Variants in APLF observed in about 807,000 individuals in gnomAD.
The protein encoded by APLF is aprataxin and PNKP like factor.
Under a neutral mutation model 55.6 loss-of-function variants are expected in APLF, and 61 were observed. That is an observed-to-expected ratio of 1.10 (90% CI 0.89 to 1.36). The LOEUF (loss-of-function observed/expected upper bound fraction) is 1.36, where lower values mean the gene tolerates loss of function less well. Ranked by LOEUF, APLF falls within the 40% of genes most tolerant of loss-of-function variation. APLF has a pLI of 0.00. For synonymous variants in APLF, 207 were observed against 214.8 expected (o/e 0.96, Z 0.32); for missense variants, 611 against 602.5 (o/e 1.01, Z -0.15).
In APLF at chr2:68,472,629, A is replaced by G. The variant is rs1482604676; in HGVS notation, c.96+4802A>G. On this transcript the variant is annotated intron_variant, in intron 1 of 9. Transcript: ENST00000303795. The stretch of plus-strand genomic sequence containing the variant: ...GGTGGGATCAGGGAAAGAAAGCTTC[A>G]TGAACTTGGTAGCATGTTGAGTTTG... Among the ~76,000 whole-genome samples the G allele has an allele frequency of 2.6e-5, 4 of 152,330 alleles. No homozygotes were observed. In the East Asian group the frequency reaches 5.8e-4, roughly 22 times the overall value.
chr2:68,522,121 T>C (rs553219405), intron 5 of APLF, among the ~76,000 whole-genome samples: 43 of 151,988 alleles, frequency 2.8e-4, no homozygotes, highest in Admixed American at 6.6e-4. Context: ...ATAAAAATGG[T>C]TAAAATTGGT....
chr2:68,522,451 A>G (rs955942434), intron 5 of APLF, among the ~76,000 whole-genome samples: 10 of 151,878 alleles, frequency 6.6e-5, no homozygotes, highest in African/African-American at 2.4e-4. Context: ...TTGGTTTAGG[A>G]CATCTCTTAT....
At chr2:68,492,427 G>C (rs992248543) in intron 2 of APLF, among the ~76,000 whole-genome samples, 19 of 152,122 alleles carry the variant, frequency 1.2e-4, no homozygotes, top group Non-Finnish European at 7.4e-5. Flanking sequence ...GCAGTGAGCC[G>C]AGATTGTGCC....
In APLF at chr2:68,500,016, G is replaced by T. The variant is rs112987416; in HGVS notation, c.169-2715G>T. The stretch of plus-strand genomic sequence containing the variant: ...ATTTTTCAAAACTTTTATTTTTTGT[G>T]TAATTATGCCATTGTTTTCATTCCT... On this transcript the variant is annotated intron_variant, in intron 2 of 9. Transcript: ENST00000303795. Among the ~76,000 whole-genome samples, 1,189 of 152,078 alleles carry T rather than the reference G, an allele frequency of 7.8e-3. 15 individuals are homozygous for T. The highest frequency in any genetic ancestry group is 0.027 in the African/African-American group (1,134 of 41,468).
At chr2:68,562,685 A>C (rs1671202259) in intron 8 of APLF, among the ~76,000 whole-genome samples, 1 of 152,086 alleles carries the variant, frequency 6.6e-6, no homozygotes, top group Non-Finnish European at 1.5e-5. Context: ...TACTTGGCAA[A>C]AAAGCTATGA....
At chr2:68,539,346 G>A (rs1670486358) in intron 7 of APLF, among the ~76,000 whole-genome samples, 1 of 152,210 alleles carries the variant, frequency 6.6e-6, no homozygotes, top group Non-Finnish European at 1.5e-5. Flanking sequence ...GGAAGCCCTA[G>A]ATCATGGTGT....
chr2:68,497,460 C>T (rs1014918650), intron 2 of APLF, among the ~76,000 whole-genome samples: 2 of 152,052 alleles, frequency 1.3e-5, no homozygotes, highest in African/African-American at 4.8e-5. Context: ...CTCTCTTTCT[C>T]CTGCTCCAGC....
intron 8 of APLF, among the ~76,000 whole-genome samples, chr2:68,548,467 A>G (rs1205606630): frequency 6.6e-6 from 1 of 151,918 alleles, no homozygotes; most frequent in African/African-American, 2.4e-5. Flanking sequence ...TAAACACATG[A>G]AAAAATACTC....
At chr2:68,518,728 T>C (rs1573209827) in intron 5 of APLF, among the ~76,000 whole-genome samples, 1 of 121,000 alleles carries the variant, frequency 8.3e-6, no homozygotes, top group Non-Finnish European at 1.6e-5. Context: ...ATATCATTAA[T>C]ATATCATGAA....
intron 3 of APLF, among the ~76,000 whole-genome samples, chr2:68,510,685 AG>A (rs1249122424): frequency 3.3e-5 from 5 of 151,846 alleles, no homozygotes; most frequent in African/African-American, 9.7e-5. Flanking sequence ...TATACCCAAA[AG>A]AATTGAAAAC....
At chr2:68,467,900 A>G in intron 1 of APLF, 73 bp downstream of exon 1, 1 of 1,145,622 alleles carries the variant, frequency 8.7e-7, no homozygotes, top group Non-Finnish European at 1.1e-6. Flanking sequence ...GACCGGCCCT[A>G]GTCCTGGCCG....
At chr2:68,469,597 G>A (rs146090267) in intron 1 of APLF, among the ~76,000 whole-genome samples, 1 of 152,292 alleles carries the variant, frequency 6.6e-6, no homozygotes, top group Non-Finnish European at 1.5e-5. Flanking sequence ...GACATCCTAA[G>A]TGTGTTAAAG....
At chr2:68,475,149 G>A (rs945116200) in intron 1 of APLF, among the ~76,000 whole-genome samples, 1 of 152,170 alleles carries the variant, frequency 6.6e-6, no homozygotes, top group African/African-American at 2.4e-5. Context: ...GTCCCAAGTG[G>A]TGCTTTAAAC....
chr2:68,511,130 C>G (rs192838041), intron 3 of APLF, among the ~76,000 whole-genome samples: 1 of 151,794 alleles, frequency 6.6e-6, no homozygotes, highest in East Asian at 1.9e-4. Flanking sequence ...ATACTAATAA[C>G]CACTGGATAG....
intron 7 of APLF, 47 bp downstream of exon 7, chr2:68,538,274 T>G (rs758739586): frequency 4.1e-6 from 6 of 1,476,542 alleles, no homozygotes; most frequent in Middle Eastern, 1.8e-4. Flanking sequence ...TTTGATAGCG[T>G]GTAGCTATGT....
At chr2:68,545,457 T>C in intron 8 of APLF, 145 bp downstream of exon 8, 1 of 1,048,006 alleles carries the variant, frequency 9.5e-7, no homozygotes, top group East Asian at 2.6e-5. Context: ...ATGTTGGTAA[T>C]AGGTAGGATG....
At chr2:68,520,231 A>G (rs1669856852) in intron 5 of APLF, among the ~76,000 whole-genome samples, 1 of 151,906 alleles carries the variant, frequency 6.6e-6, no homozygotes, top group Non-Finnish European at 1.5e-5. Flanking sequence ...TGTCAGATGC[A>G]TAGTTTGCGA....
chr2:68,536,258 G>C (rs1313945873), intron 6 of APLF, among the ~76,000 whole-genome samples: 1 of 152,080 alleles, frequency 6.6e-6, no homozygotes, highest in Non-Finnish European at 1.5e-5. Flanking sequence ...TTCCCCATAG[G>C]TTATCTGTTA....
intron 2 of APLF, among the ~76,000 whole-genome samples, chr2:68,493,888 C>T (rs1676451545): frequency 6.6e-6 from 1 of 151,842 alleles, no homozygotes; most frequent in South Asian, 2.1e-4. Context: ...GCGGGTGGAT[C>T]ACGAGGTCAG....
Sources: allele counts gnomAD v4.1 joint callset (sites outside exome capture counted in the v4.1 genomes callset), GRCh38; gene constraint gnomAD v4.1.1; transcripts MANE v1.5; gene names NCBI Gene and HGNC (gene_info 2026-07-23, HGNC 2026-07-21).